The following PIK3R1 variants were observed in gnomAD, a reference collection of about 807,000 sequenced individuals.
PIK3R1 encodes phosphoinositide-3-kinase regulatory subunit 1.
Under a neutral mutation model 98.0 loss-of-function variants are expected in PIK3R1, and 29 were observed. The observed-to-expected ratio is 0.30, with a 90% CI of 0.22 to 0.40. PIK3R1 has a LOEUF of 0.40. Ranked by LOEUF, PIK3R1 falls within the 10% of genes least tolerant of loss-of-function variation. The probability of loss-of-function intolerance (pLI) is 1.00; values close to 1 mark genes in which losing one functional copy is unlikely to be tolerated. For missense variants in PIK3R1, 596 were observed against 872.7 expected (o/e 0.68, Z 3.99); for synonymous variants, 282 against 311.8 (o/e 0.90, Z 1.01).
rs1748034186 is a variant in PIK3R1 at position 68,301,358 on chromosome 5, A to ATG, written c.*3758_*3759insGT. ...AGGATGCTGCTATATATATATATAT[A>ATG]TATATATATGTGTGTGTGTGTGTGT... On this transcript the variant is annotated 3_prime_UTR_variant, in exon 16 of 16. Transcript: ENST00000521381. 3.1e-5 allele frequency: 1 copy of ATG among 32,004 alleles called. No individual in the cohort carries two copies. The highest frequency in any genetic ancestry group is 1.3e-4 in the African/African-American group (1 of 7,682). The allele number at this position is 32,004 out of a possible 1,614,324, so 2.0% of individuals were successfully genotyped here.
At chr5:68,279,197 A>G (rs1475790783) in intron 4 of PIK3R1, among the ~76,000 whole-genome samples, 1 of 152,164 alleles carries the variant, frequency 6.6e-6, no homozygotes, top group East Asian at 1.9e-4. Context: ...ACATGCAGTC[A>G]CTTTCTGAGG....
intron 2 of PIK3R1, among the ~76,000 whole-genome samples, chr5:68,270,979 G>A (rs1452104189): frequency 2.6e-5 from 4 of 152,126 alleles, no homozygotes; most frequent in African/African-American, 7.2e-5. Flanking sequence ...TATTTGAAGT[G>A]CTTTTCAGAT....
intron 2 of PIK3R1, among the ~76,000 whole-genome samples, chr5:68,242,011 A>G (rs1744890153): frequency 6.6e-6 from 1 of 152,272 alleles, no homozygotes. Flanking sequence ...CAATTTGCAC[A>G]CACATTTGGA....
intron 2 of PIK3R1, among the ~76,000 whole-genome samples, chr5:68,248,056 A>G (rs921528856): frequency 1.4e-5 from 2 of 146,376 alleles, no homozygotes; most frequent in African/African-American, 5.1e-5. Flanking sequence ...CAGTGGCGGG[A>G]TCTCAATTCA....
chr5:68,243,137 G>A (rs1447099681), intron 2 of PIK3R1, among the ~76,000 whole-genome samples: 4 of 151,782 alleles, frequency 2.6e-5, no homozygotes, highest in Non-Finnish European at 4.4e-5. Flanking sequence ...AAAAGGCCAC[G>A]ATGAAAGAGT....
intron 7 of PIK3R1, among the ~76,000 whole-genome samples, chr5:68,287,823 G>T (rs1167719303): frequency 3.3e-5 from 5 of 152,078 alleles, no homozygotes; most frequent in African/African-American, 9.7e-5. Flanking sequence ...ATTCTGAATC[G>T]TCACATGATC....
chr5:68,217,653 T>TGTGTGTGTGCGCGCGC (rs1386976488), intron 1 of PIK3R1: 6 of 149,294 alleles, frequency 4.0e-5, no homozygotes, highest in African/African-American at 1.5e-4. Context: ...TGTGTGTGTG[T>TGTGTGTGTGCGCGCGC]GCGCGCGCGT....
intron 7 of PIK3R1, among the ~76,000 whole-genome samples, chr5:68,283,796 C>CT (rs1746955886): frequency 6.6e-6 from 1 of 152,236 alleles, no homozygotes; most frequent in Non-Finnish European, 1.5e-5. Context: ...GCCTCCTACA[C>CT]TCCAGCCCAT....
rs192318491 is a variant in PIK3R1 at position 68,264,841 on chromosome 5, G to T, written c.335-8549G>T. Among the ~76,000 whole-genome samples, 5 of 152,296 alleles carry T rather than the reference G, an allele frequency of 3.3e-5. No individual in the cohort carries two copies. The East Asian group carries it at 9.7e-4, about 29-fold the overall frequency. On this transcript the variant is annotated intron_variant, in intron 2 of 15. Transcript: ENST00000521381. ...TCATCAGTACACAGTGCACAGGGCA[G>T]CAGAGCTCCTGGCTGCTAGTCTCTC...
In PIK3R1 at chr5:68,300,649, G is replaced by T; in HGVS notation, c.*3048G>T. Reference sequence around the variant, plus strand: ...GTATATATGTATATGTGCATGGACTGTGTTTCCAGTACACCTTTCAGCCAA... The same window carrying T: ...GTATATATGTATATGTGCATGGACTTTGTTTCCAGTACACCTTTCAGCCAA... On this transcript the variant is annotated 3_prime_UTR_variant, in exon 16 of 16. Coordinates refer to ENST00000521381, the MANE Select transcript of PIK3R1 (RefSeq NM_181523.3). 1 of 233,302 alleles carries T rather than the reference G, an allele frequency of 4.3e-6. No homozygotes were observed. Among genetic ancestry groups the T allele is most frequent in the East Asian group, 6.0e-5 (1 of 16,588 alleles). The allele number at this position is 233,302 out of a possible 1,614,324, so 14.5% of individuals were successfully genotyped here.
intron 2 of PIK3R1, among the ~76,000 whole-genome samples, chr5:68,251,983 C>T (rs115530193): frequency 0.01 from 1,551 of 152,238 alleles, 12 homozygotes; most frequent in Non-Finnish European, 0.015. Context: ...TCAAGTTCAT[C>T]AGCAGGAATG....
chr5:68,216,354 G>T (rs936103752), intron 1 of PIK3R1, among the ~76,000 whole-genome samples: 2 of 152,202 alleles, frequency 1.3e-5, no homozygotes, highest in African/African-American at 2.4e-5. Context: ...GGAGGAGAGC[G>T]CCCTGGCCGC....
At chr5:68,262,255 A>C (rs1183376308) in intron 2 of PIK3R1, among the ~76,000 whole-genome samples, 1 of 151,664 alleles carries the variant, frequency 6.6e-6, no homozygotes, top group Non-Finnish European at 1.5e-5. Context: ...CTATATTGAC[A>C]TAACTTTCTC....
chr5:68,295,716 G>A (rs1345315686), intron 14 of PIK3R1: 1 of 563,136 alleles, frequency 1.8e-6, no homozygotes, highest in East Asian at 2.9e-5. Flanking sequence ...AACTCTCTGT[G>A]TCCATAATGA....
At chr5:68,256,400 T>G (rs922973158) in intron 2 of PIK3R1, among the ~76,000 whole-genome samples, 2 of 152,032 alleles carry the variant, frequency 1.3e-5, no homozygotes, top group African/African-American at 4.8e-5. Context: ...CAGCTAATCT[T>G]TTTGTATTTT....
intron 2 of PIK3R1, among the ~76,000 whole-genome samples, chr5:68,246,903 GAGA>G (rs1745115948): frequency 3.1e-4 from 2 of 6,428 alleles, no homozygotes; most frequent in East Asian, 0.038. Context: ...TCATTAGTAA[GAGA>G]AAAAAAAAAA....
At chr5:68,296,699 T>C (rs1473703321) in intron 15 of PIK3R1, among the ~76,000 whole-genome samples, 2 of 151,944 alleles carry the variant, frequency 1.3e-5, no homozygotes, top group African/African-American at 4.8e-5. Context: ...GAATCTGAGG[T>C]AATTTATGTG....
chr5:68,225,847 C>T (rs1012540659), intron 1 of PIK3R1, among the ~76,000 whole-genome samples: 1 of 152,212 alleles, frequency 6.6e-6, no homozygotes, highest in Non-Finnish European at 1.5e-5. Flanking sequence ...GATTGGACTG[C>T]CTGTTCTAGC....
intron 1 of PIK3R1, 144 bp downstream of exon 1, chr5:68,216,093 C>G (rs185884584): frequency 6.6e-6 from 1 of 152,322 alleles, no homozygotes; most frequent in Non-Finnish European, 1.5e-5. Context: ...GGGCTGGCCA[C>G]CGGCCCTCCC....
Sources: allele counts gnomAD v4.1 joint callset (sites outside exome capture counted in the v4.1 genomes callset), GRCh38; gene constraint gnomAD v4.1.1; transcripts MANE v1.5; gene names NCBI Gene and HGNC (gene_info 2026-07-23, HGNC 2026-07-21).